Variants in RNF122 observed in about 807,000 individuals in gnomAD.
RNF122 encodes the protein ring finger protein 122.
A neutral mutation model predicts 24.2 loss-of-function variants in RNF122; 17 were observed. The observed-to-expected ratio is 0.70, with a 90% CI of 0.48 to 1.06. The LOEUF (loss-of-function observed/expected upper bound fraction) is 1.06. RNF122 is among the 50% of genes least tolerant of loss of function. RNF122 has a pLI of 0.00. For missense variants in RNF122, 168 were observed against 198.1 expected, an observed-to-expected ratio of 0.85 and a Z score of 0.91; for synonymous variants, 65 against 71.8, an observed-to-expected ratio of 0.91 and a Z score of 0.48.
chr8:33,553,465 G>A (rs891580168), intron 2 of RNF122, among the ~76,000 whole-genome samples: 16 of 152,010 alleles, frequency 1.1e-4, no homozygotes, highest in Non-Finnish European at 2.2e-4. Context: ...CTACTTGGGG[G>A]GTCTGAGGCA....
intron 2 of RNF122, among the ~76,000 whole-genome samples, chr8:33,553,832 C>G (rs76590445): frequency 5.3e-5 from 8 of 152,096 alleles, no homozygotes; most frequent in Non-Finnish European, 1.2e-4. Context: ...GGTGTCCTGG[C>G]GAGGTTCATG....
At chr8:33,551,882 C>G (rs142613440) in intron 2 of RNF122, among the ~76,000 whole-genome samples, 1 of 152,184 alleles carries the variant, frequency 6.6e-6, no homozygotes, top group Admixed American at 6.6e-5. Flanking sequence ...CTTCACTGTG[C>G]CGGACAACAC....
intron 2 of RNF122, 75 bp downstream of exon 2, chr8:33,558,540 G>A (rs555482769): frequency 3.1e-5 from 41 of 1,310,812 alleles, no homozygotes; most frequent in Admixed American, 2.7e-4. Flanking sequence ...TGGGACCCTC[G>A]CTCAGCTTAC....
intron 2 of RNF122, among the ~76,000 whole-genome samples, chr8:33,552,668 C>T (rs182473111): frequency 1.2e-4 from 18 of 152,184 alleles, no homozygotes; most frequent in Non-Finnish European, 1.6e-4. Context: ...TGCAAATGGC[C>T]GAGACCATAA....
chr8:33,561,021 A>G (rs1025739032), intron 1 of RNF122, among the ~76,000 whole-genome samples: 1 of 151,938 alleles, frequency 6.6e-6, no homozygotes, highest in Non-Finnish European at 1.5e-5. Context: ...TGAAAGGGAG[A>G]GCTGGAATTT....
chr8:33,566,409 G>C (rs552056344), intron 1 of RNF122, among the ~76,000 whole-genome samples: 18 of 152,344 alleles, frequency 1.2e-4, no homozygotes, highest in South Asian at 6.2e-4. Context: ...GCAGGGGAAG[G>C]GGGTAGAAGA....
At position 33,547,980 on chromosome 8, in the gene RNF122, C is replaced by CAAAAAAA. The variant is rs35370120; in HGVS notation, c.*766_*772dup. On this transcript the variant is annotated 3_prime_UTR_variant, in exon 6 of 6. Transcript: ENST00000256257. ...CCCCCATCCCCACACCCCTTTTGAT[C>CAAAAAAA]AAAAAAAAAAAAAAAAAAAAAAAAA... 2.2e-3 allele frequency: 85 copies of CAAAAAAA among 37,856 alleles called. 2 individuals carry two copies. Among genetic ancestry groups the CAAAAAAA allele is most frequent in the African/African-American group, 8.7e-3 (80 of 9,242 alleles). The allele number at this position is 37,856 out of a possible 1,614,324, so 2.3% of individuals were successfully genotyped here.
intron 2 of RNF122, among the ~76,000 whole-genome samples, chr8:33,552,736 G>A (rs1479305061): frequency 2.0e-5 from 3 of 152,168 alleles, no homozygotes; most frequent in Non-Finnish European, 2.9e-5. Flanking sequence ...GATCTTACAT[G>A]CTGAACTCTG....
Position 33,547,798 on chromosome 8 carries a change from G to A in RNF122, c.*955C>T, listed in dbSNP as rs1013906649. 43 of 151,890 alleles carry A rather than the reference G, an allele frequency of 2.8e-4. No individual in the cohort carries two copies. The highest frequency in any genetic ancestry group is 1.0e-3 in the African/African-American group (43 of 41,400). 9.4% of individuals were successfully genotyped at this position (151,890 alleles called of 1,614,324 possible). ...ATTAAATTTATTTTTCTTTAAATAT[G>A]TAACTTTCTCCCACCCTCACCCACT... is the stretch of plus-strand genomic sequence containing the variant. On this transcript the variant is annotated 3_prime_UTR_variant, in exon 6 of 6. Transcript: ENST00000256257.
At chr8:33,557,436 C>A (rs1396321471) in intron 2 of RNF122, among the ~76,000 whole-genome samples, 1 of 152,070 alleles carries the variant, frequency 6.6e-6, no homozygotes. Flanking sequence ...TCGAGACCTG[C>A]CTGGCCAATG....
chr8:33,565,626 C>T (rs932793915), intron 1 of RNF122, among the ~76,000 whole-genome samples: 3 of 152,172 alleles, frequency 2.0e-5, no homozygotes, highest in African/African-American at 7.2e-5. Context: ...CCAGTATCAC[C>T]TGAACCTCCA....
rs1430743133 is a variant in RNF122 at position 33,567,016 on chromosome 8, G to A, written c.-293C>T. 1 of 477,462 alleles carries A rather than the reference G, an allele frequency of 2.1e-6. No individual in the cohort carries two copies. Among genetic ancestry groups the A allele is most frequent in the African/African-American group, 2.1e-5 (1 of 47,536 alleles). 29.6% of individuals were successfully genotyped at this position (477,462 alleles called of 1,614,324 possible). A position where few individuals can be genotyped will look rare whatever the true frequency, so the allele number is the denominator to read the frequency against. On this transcript the variant is annotated 5_prime_UTR_variant, in exon 1 of 6. Transcript: ENST00000256257. ...GGGAATGTGGGGCGCCGCGGGGCGGGGGTGCCCGGGCTGCAGAAGCCCTCG... is the reference window on the plus strand; with the variant it reads ...GGGAATGTGGGGCGCCGCGGGGCGGAGGTGCCCGGGCTGCAGAAGCCCTCG...
intron 1 of RNF122, among the ~76,000 whole-genome samples, chr8:33,565,947 G>A (rs1029410930): frequency 2.6e-5 from 4 of 152,162 alleles, no homozygotes; most frequent in Admixed American, 2.6e-4. Context: ...TCCGCCTCCT[G>A]GGTTCAAGCG....
intron 1 of RNF122, among the ~76,000 whole-genome samples, chr8:33,562,760 C>T (rs745320457): frequency 6.6e-6 from 1 of 151,208 alleles, no homozygotes; most frequent in East Asian, 2.0e-4. Context: ...ACCATCTCTA[C>T]TAAAATACAA....
chr8:33,562,434 C>G (rs1810552677), intron 1 of RNF122, among the ~76,000 whole-genome samples: 1 of 150,758 alleles, frequency 6.6e-6, no homozygotes, highest in African/African-American at 2.4e-5. Context: ...CCCAGCTACT[C>G]AGGAGGCTGA....
At chr8:33,550,984 G>C in intron 4 of RNF122, 60 bp downstream of exon 4, 4 of 1,528,262 alleles carry the variant, frequency 2.6e-6, no homozygotes, top group Non-Finnish European at 3.6e-6. Context: ...GAGAACTGGA[G>C]CAAGGTGCTG....
At chr8:33,549,269 T>C in intron 5 of RNF122, 141 bp downstream of exon 5, 1 of 716,128 alleles carries the variant, frequency 1.4e-6, no homozygotes, top group Non-Finnish European at 2.5e-6. Context: ...CTAATCCCTC[T>C]GGGCTTTGCT....
At chr8:33,558,807 G>A (rs182749788) in intron 1 of RNF122, 36 bp from the exon 2 acceptor site, 1 of 1,507,224 alleles carries the variant, frequency 6.6e-7, no homozygotes, top group Non-Finnish European at 9.0e-7. Context: ...ATTAGGGTTG[G>A]AAATTTACTG....
rs1810313791 is a variant in RNF122, at chr8:33,548,106, G to C, written c.*647C>G. ...AAGCTCCGAGATTAACTGAGGAAGA[G>C]ACTGAATGGATAGCACCGTGGGTCC... On this transcript the variant is annotated 3_prime_UTR_variant, in exon 6 of 6. Transcript: ENST00000256257. 1 of 152,066 alleles carries C rather than the reference G, an allele frequency of 6.6e-6. No individual in the cohort carries two copies. Among genetic ancestry groups the C allele is most frequent in the African/African-American group, 2.4e-5 (1 of 41,250 alleles). The allele number at this position is 152,066 out of a possible 1,614,324, so 9.4% of individuals were successfully genotyped here. A position where few individuals can be genotyped will look rare whatever the true frequency, so the allele number is the denominator to read the frequency against.
Sources: allele counts gnomAD v4.1 joint callset (sites outside exome capture counted in the v4.1 genomes callset), GRCh38; gene constraint gnomAD v4.1.1; transcripts MANE v1.5; gene names NCBI Gene and HGNC (gene_info 2026-07-23, HGNC 2026-07-21).